The following NPAT variants were observed in gnomAD, a reference collection of about 807,000 sequenced individuals.
NPAT encodes the protein nuclear protein, coactivator of histone transcription.
A neutral mutation model predicts 130.7 loss-of-function variants in NPAT; 52 were observed. The ratio of observed to expected loss-of-function variants is 0.40; its 90% confidence interval spans 0.32 to 0.50. The LOEUF (loss-of-function observed/expected upper bound fraction) is 0.50. Among genes scored for constraint, NPAT ranks in the 20% least tolerant of loss-of-function variants. NPAT has a pLI of 0.68. For synonymous variants in NPAT, 580 were observed against 584.8 expected (o/e 0.99, Z 0.12); for missense variants, 1,687 against 1,662.6 (o/e 1.01, Z -0.26).
Position 108,161,230 on chromosome 11 carries a change from T to C in NPAT, c.3856A>G (p.Ile1286Val), listed in dbSNP as rs2134817915. The change falls in exon 17 of 18, where the codon ATT becomes GTT. Residue 1286 changes from isoleucine (I) to valine (V), a missense_variant. Ile to Val is a conservative substitution (Grantham distance 29). This residue lies in a region of NPAT where 1,379 missense variants were observed against 1,346.6 expected (regional missense o/e 1.02). Transcript: ENST00000278612. The stretch of plus-strand genomic sequence containing the variant: ...CGCCTACTAGAGGGGGCCTTGATAA[T>C]ATCTATAGGTTCTTCTTTATGTTTT... ...GEKHKEEPIDIIKAPSSRRFS... is the reference protein window; with the variant it reads ...GEKHKEEPIDVIKAPSSRRFS... 4 of 1,614,148 alleles carry C rather than the reference T, an allele frequency of 2.5e-6. No individual in the cohort carries two copies. The highest frequency in any genetic ancestry group is 3.4e-6 in the Non-Finnish European group (4 of 1,180,020).
intron 4 of NPAT, among the ~76,000 whole-genome samples, chr11:108,191,555 T>G (rs1343368054): frequency 6.6e-6 from 1 of 152,212 alleles, no homozygotes; most frequent in Non-Finnish European, 1.5e-5. Context: ...TTTTAGCAGG[T>G]TAAGCAGAGG....
rs1283481700 is a variant in NPAT, at chr11:108,172,675, G to C, written c.2309C>G (p.Thr770Ser). ...VSSINGENLPTIILSSPTKSP... is the reference protein window; with the variant it reads ...VSSINGENLPSIILSSPTKSP... ...TTTAGTAGGAGAAGACAAGATTATA[G>C]TTGGCAGGTTTTCTCCATTAATACT... The change falls in exon 13 of 18, where the codon ACT (threonine) becomes AGT (serine). Residue 770 changes from threonine to serine, a missense_variant. This residue lies in a region of NPAT where 1,379 missense variants were observed against 1,346.6 expected (regional missense o/e 1.02). Transcript: ENST00000278612. 1 of 1,613,924 alleles carries C rather than the reference G, an allele frequency of 6.2e-7. No homozygotes were observed. The highest frequency in any genetic ancestry group is 8.5e-7 in the Non-Finnish European group (1 of 1,179,964).
chr11:108,204,115 G>A (rs1186924296), intron 1 of NPAT, among the ~76,000 whole-genome samples: 2 of 152,142 alleles, frequency 1.3e-5, no homozygotes, highest in Admixed American at 1.3e-4. Flanking sequence ...TTATCCTAAT[G>A]GCAGTTAGAT....
chr11:108,217,616 C>T (rs375590845), intron 1 of NPAT, among the ~76,000 whole-genome samples: 7 of 152,250 alleles, frequency 4.6e-5, no homozygotes, highest in South Asian at 4.1e-4. Flanking sequence ...CTGACTATAA[C>T]CAATTCTCAG....
At chr11:108,202,213 C>T (rs559634441) in intron 1 of NPAT, among the ~76,000 whole-genome samples, 8 of 151,996 alleles carry the variant, frequency 5.3e-5, no homozygotes, top group Admixed American at 2.0e-4. Flanking sequence ...TCTCATACCA[C>T]CAGGAAATTA....
chr11:108,162,226 TG>T, intron 15 of NPAT, 46 bp from the exon 16 acceptor site: 1 of 1,524,840 alleles, frequency 6.6e-7, no homozygotes, highest in Non-Finnish European at 9.1e-7. Context: ...TATACTCCTC[TG>T]AAAGAGGATA....
At chr11:108,170,178 T>A in intron 13 of NPAT, 135 bp from the exon 14 acceptor site, 11 of 566,896 alleles carry the variant, frequency 1.9e-5, no homozygotes, top group Non-Finnish European at 2.5e-5. Context: ...CGATCCACTC[T>A]CCAAAAACAA....
chr11:108,189,595 G>C lies in NPAT; in HGVS notation c.332-265C>G, dbSNP rs1278838860. Among the ~76,000 whole-genome samples the C allele has an allele frequency of 7.9e-5, 12 of 152,308 alleles. No homozygotes were observed. The South Asian group carries it at 2.5e-3, about 32-fold the overall frequency. On this transcript the variant is annotated intron_variant, in intron 5 of 17. Transcript: ENST00000278612. The stretch of plus-strand genomic sequence containing the variant: ...AATTAAGAAACCTGAACTTGGCCGG[G>C]CGCGGTGGCTCACGCCTGTAATCCC...
intron 15 of NPAT, among the ~76,000 whole-genome samples, chr11:108,168,054 A>C (rs960195621): frequency 1.3e-5 from 2 of 152,218 alleles, no homozygotes; most frequent in African/African-American, 4.8e-5. Context: ...AAAATATCAC[A>C]TGGTATCAAA....
chr11:108,193,500 TG>T (rs1470370836), intron 3 of NPAT, among the ~76,000 whole-genome samples: 1 of 151,946 alleles, frequency 6.6e-6, no homozygotes, highest in Non-Finnish European at 1.5e-5. Context: ...CCGAGGTGGG[TG>T]GATCACCTGA....
chr11:108,173,782 T>C lies in NPAT; in HGVS notation c.1202A>G (p.Asn401Ser), dbSNP rs369516832. 42 of 1,614,096 alleles carry C rather than the reference T, an allele frequency of 2.6e-5. No individual in the cohort carries two copies. In the African/African-American group the frequency reaches 4.8e-4, roughly 18 times the overall value. The change falls in exon 13 of 18, where the codon AAT becomes AGT. Residue 401 changes from asparagine to serine, a missense_variant. Asn to Ser is a conservative substitution (Grantham distance 46). This residue lies in a region of NPAT where 1,379 missense variants were observed against 1,346.6 expected (regional missense o/e 1.02). Transcript: ENST00000278612. ...TCTAAGCACATCATGGTTGTTGCTA[T>C]TCTTCAAAGCATTTAATGGGTCATC... is the stretch of plus-strand genomic sequence containing the variant. ...QNDDPLNALK[N>S]SNNHDVLRQE...
Position 108,172,400 on chromosome 11 carries a change from T to C in NPAT, c.2584A>G (p.Asn862Asp). Residue 862 changes from asparagine to aspartate, a missense_variant, in exon 13 of 18, where the codon AAT becomes GAT. Asn to Asp is a conservative substitution (Grantham distance 23). Around this residue, in one of 3 missense-constraint regions of NPAT, gnomAD observed 1,379 missense variants for 1,346.6 expected, o/e 1.02. Coordinates refer to ENST00000278612, the MANE Select transcript of NPAT (RefSeq NM_002519.3). ...GTAGCTATCAGAATGTTATTTGAAT[T>C]GCCAAAAGCTGTGCTTGTGGCTGGC... is the stretch of plus-strand genomic sequence containing the variant. Reference protein sequence around the residue: ...LMPATSTAFGNSNNILIATCV... With the variant: ...LMPATSTAFGDSNNILIATCV... The C allele has an allele frequency of 6.2e-7, 1 of 1,614,210 alleles. No individual in the cohort carries two copies. Among genetic ancestry groups the C allele is most frequent in the Non-Finnish European group, 8.5e-7 (1 of 1,180,032 alleles).
intron 11 of NPAT, 132 bp downstream of exon 11, chr11:108,176,862 C>G: frequency 1.5e-6 from 1 of 657,998 alleles, no homozygotes; most frequent in South Asian, 1.7e-5. Flanking sequence ...TTAACATATC[C>G]ATATAATGTT....
chr11:108,213,246 C>T (rs1179618624), intron 1 of NPAT, among the ~76,000 whole-genome samples: 1 of 152,156 alleles, frequency 6.6e-6, no homozygotes, highest in Non-Finnish European at 1.5e-5. Flanking sequence ...GCACTCCAGC[C>T]TGGGCAACAA....
chr11:108,206,467 C>A (rs115626664), intron 1 of NPAT, among the ~76,000 whole-genome samples: 1,956 of 152,228 alleles, frequency 0.013, 53 homozygotes, highest in African/African-American at 0.044. Flanking sequence ...GCGGGCATAT[C>A]CAGGCACTGG....
chr11:108,201,800 G>T (rs1591411374), intron 1 of NPAT, among the ~76,000 whole-genome samples: 1 of 152,232 alleles, frequency 6.6e-6, no homozygotes, highest in East Asian at 1.9e-4. Flanking sequence ...TTAAGAATCT[G>T]TCCTTCCCTA....
chr11:108,198,740 C>T (rs1332136867), intron 1 of NPAT, among the ~76,000 whole-genome samples: 1 of 152,202 alleles, frequency 6.6e-6, no homozygotes, highest in Non-Finnish European at 1.5e-5. Context: ...CAGACTCAAC[C>T]ACACATGGGG....
rs749789786 is a variant in NPAT at position 108,206,893 on chromosome 11, G to A, written c.38-9473C>T. ...CTTTCCGTAGGCAGGTCGTCCCCAC[G>A]AGTATCCAGCTCTCAGTGGAGAGGA... On this transcript the variant is annotated intron_variant, in intron 1 of 17. Transcript: ENST00000278612. Among the ~76,000 whole-genome samples, 48 of 151,852 alleles carry A rather than the reference G, an allele frequency of 3.2e-4. No homozygotes were observed. The Middle Eastern group carries it at 0.01, about 33-fold the overall frequency.
intron 1 of NPAT, among the ~76,000 whole-genome samples, chr11:108,199,486 G>C (rs2078254713): frequency 1.3e-5 from 2 of 152,190 alleles, no homozygotes; most frequent in South Asian, 4.1e-4. Context: ...TGTCATTTCT[G>C]GAGGCTTGTC....
Sources: gnomAD v4.1 joint callset for allele counts (sites outside exome capture counted in the v4.1 genomes callset) on GRCh38, gnomAD v4.1.1 for gene constraint, gnomAD v4.1.1 regional missense constraint, MANE v1.5 for transcripts, NCBI Gene and HGNC (gene_info 2026-07-23, HGNC 2026-07-21) for gene names.